HDAC9: variants seen among roughly 807,000 people sequenced by gnomAD.
The protein encoded by HDAC9 is histone deacetylase 9.
Under a neutral mutation model 139.4 loss-of-function variants are expected in HDAC9, and 41 were observed. That is an observed-to-expected ratio of 0.29 (90% CI 0.23 to 0.38). The LOEUF is 0.38. Ranked by LOEUF, HDAC9 falls within the 10% of genes least tolerant of loss-of-function variation. The pLI, the probability that HDAC9 is intolerant of heterozygous loss-of-function variation, is 1.00. For synonymous variants in HDAC9, 517 were observed against 476.2 expected, an observed-to-expected ratio of 1.09 and a Z score of -1.12; for missense variants, 1,147 against 1,297.0, an observed-to-expected ratio of 0.88 and a Z score of 1.78.
intron 1 of HDAC9, among the ~76,000 whole-genome samples, chr7:18,354,584 C>T (rs973791379): frequency 1.3e-5 from 2 of 152,090 alleles, no homozygotes; most frequent in African/African-American, 4.8e-5. Context: ...GAGATATGCG[C>T]TGTACGTAAG....
intron 13 of HDAC9, among the ~76,000 whole-genome samples, chr7:18,742,817 G>C (rs1057162160): frequency 6.6e-6 from 1 of 151,802 alleles, no homozygotes; most frequent in Non-Finnish European, 1.5e-5. Context: ...TTTTAATTTT[G>C]CTACTCTTTA....
chr7:18,280,150 A>G (rs1483486664), intron 2 of HDAC9, among the ~76,000 whole-genome samples: 1 of 152,320 alleles, frequency 6.6e-6, no homozygotes, highest in African/African-American at 2.4e-5. Flanking sequence ...TGTATAATCA[A>G]TATTTAAAGA....
intron 1 of HDAC9, among the ~76,000 whole-genome samples, chr7:18,124,722 G>T (rs894090535): frequency 2.0e-5 from 3 of 152,068 alleles, no homozygotes; most frequent in African/African-American, 7.2e-5. Flanking sequence ...CCAAGAGATT[G>T]ATCTGGTTCC....
chr7:18,997,014 TTTC>T lies in HDAC9; in HGVS notation c.*958_*960del, dbSNP rs1363683919. 6.6e-6 allele frequency: 1 copy of T among 152,188 alleles called. No individual in the cohort carries two copies. 9.4% of individuals were successfully genotyped at this position (152,188 alleles called of 1,614,324 possible). A position where few individuals can be genotyped will look rare whatever the true frequency, so the allele number is the denominator to read the frequency against. On this transcript the variant is annotated 3_prime_UTR_variant, in exon 26 of 26. Coordinates refer to ENST00000686413, the MANE Select transcript of HDAC9 (RefSeq NM_178425.4). ...TCCTTTTCTGCCCTCTATCAATTGA[TTTC>T]TTCTTACCTTTCATCATTCATTCCT...
At chr7:18,478,157 C>T (rs556521616) in intron 1 of HDAC9, among the ~76,000 whole-genome samples, 1 of 152,138 alleles carries the variant, frequency 6.6e-6, no homozygotes, top group East Asian at 1.9e-4. Context: ...CTGCAAGCTC[C>T]GCCTCCCGGG....
intron 1 of HDAC9, among the ~76,000 whole-genome samples, chr7:18,382,660 T>C (rs1366107293): frequency 6.6e-6 from 1 of 152,210 alleles, no homozygotes; most frequent in Non-Finnish European, 1.5e-5. Flanking sequence ...TACGATGTCA[T>C]TGTCTACCTA....
At chr7:18,440,369 G>A (rs1020730100) in intron 1 of HDAC9, among the ~76,000 whole-genome samples, 1 of 151,798 alleles carries the variant, frequency 6.6e-6, no homozygotes, top group Non-Finnish European at 1.5e-5. Flanking sequence ...ATTTTTAGTA[G>A]AGGCGGGGTT....
chr7:18,495,758 C>A lies in HDAC9; in HGVS notation c.-307C>A, dbSNP rs1267170309. On this transcript the variant is annotated 5_prime_UTR_variant, in exon 1 of 26. Transcript: ENST00000686413. ...GAGACTGAGAAAGGGGGAAGAGAGG[C>A]ACAGACACAGATAGGAGAAGGGCAC... 1.0e-6 allele frequency: 1 copy of A among 991,630 alleles called. No homozygotes were observed. The highest frequency in any genetic ancestry group is 1.2e-6 in the Non-Finnish European group (1 of 834,440). The allele number at this position is 991,630 out of a possible 1,614,324, so 61.4% of individuals were successfully genotyped here. A position where few individuals can be genotyped will look rare whatever the true frequency, so the allele number is the denominator to read the frequency against.
At chr7:18,258,951 C>CTTTTTTTTTT (rs199607615) in intron 2 of HDAC9, among the ~76,000 whole-genome samples, 1 of 98,324 alleles carries the variant, frequency 1.0e-5, no homozygotes, top group East Asian at 3.4e-4. Context: ...TCTTCTTCTC[C>CTTTTTTTTTT]TTTTTTTTTT....
intron 1 of HDAC9, among the ~76,000 whole-genome samples, chr7:18,367,791 T>C (rs1396330423): frequency 5.9e-5 from 9 of 152,098 alleles, no homozygotes; most frequent in Non-Finnish European, 7.4e-5. Flanking sequence ...CCAATGTATA[T>C]GCCCATCAGC....
At chr7:18,603,642 C>A (rs535930680) in intron 6 of HDAC9, among the ~76,000 whole-genome samples, 10 of 152,052 alleles carry the variant, frequency 6.6e-5, no homozygotes, top group Non-Finnish European at 1.5e-4. Flanking sequence ...CCAAAAGCTA[C>A]AATTATCCAG....
intron 1 of HDAC9, among the ~76,000 whole-genome samples, chr7:18,404,066 G>T (rs920949931): frequency 2.6e-5 from 4 of 152,160 alleles, no homozygotes; most frequent in Non-Finnish European, 4.4e-5. Context: ...GGCCAATGCA[G>T]AAAAGAAAAG....
intron 7 of HDAC9, among the ~76,000 whole-genome samples, chr7:18,629,699 C>A (rs1048326319): frequency 6.6e-6 from 1 of 152,076 alleles, no homozygotes; most frequent in Admixed American, 6.6e-5. Context: ...AAGTATGTGT[C>A]AATCAAGGCA....
At chr7:18,541,901 C>G (rs868310990) in intron 2 of HDAC9, among the ~76,000 whole-genome samples, 8 of 152,246 alleles carry the variant, frequency 5.3e-5, no homozygotes, top group Admixed American at 2.6e-4. Context: ...GCCTAGACCG[C>G]TTTTTTAAAT....
At chr7:18,946,710 T>C (rs374385648) in intron 23 of HDAC9, among the ~76,000 whole-genome samples, 19 of 152,022 alleles carry the variant, frequency 1.2e-4, no homozygotes, top group Admixed American at 1.2e-3. Flanking sequence ...ACCACAATCA[T>C]CATAACAAAT....
At chr7:18,511,984 C>A (rs1801661447) in intron 2 of HDAC9, among the ~76,000 whole-genome samples, 3 of 133,710 alleles carry the variant, frequency 2.2e-5, no homozygotes, top group African/African-American at 5.7e-5. Context: ...AAAAGTCTAT[C>A]AGTGAATGTT....
At chr7:18,784,897 GA>G (rs1178579057) in intron 16 of HDAC9, among the ~76,000 whole-genome samples, 1 of 151,754 alleles carries the variant, frequency 6.6e-6, no homozygotes, top group Non-Finnish European at 1.5e-5. Flanking sequence ...ACATTCTCAT[GA>G]ACAACAGTTT....
intron 2 of HDAC9, among the ~76,000 whole-genome samples, chr7:18,221,646 C>T (rs574085740): frequency 1.3e-5 from 2 of 152,210 alleles, no homozygotes; most frequent in South Asian, 4.1e-4. Context: ...ATGATGCTTC[C>T]TGAGAGAATC....
intron 2 of HDAC9, among the ~76,000 whole-genome samples, chr7:18,523,820 T>C (rs1258540368): frequency 6.6e-6 from 1 of 151,960 alleles, no homozygotes; most frequent in Non-Finnish European, 1.5e-5. Context: ...AGCAAAGGAT[T>C]GGAGAAGGAT....
Sources: allele counts gnomAD v4.1 joint callset (sites outside exome capture counted in the v4.1 genomes callset), GRCh38; gene constraint gnomAD v4.1.1; transcripts MANE v1.5; gene names NCBI Gene and HGNC (gene_info 2026-07-23, HGNC 2026-07-21).